Variants in MAGI2 observed in about 807,000 individuals in gnomAD.
MAGI2 encodes the protein membrane associated guanylate kinase, WW and PDZ domain containing 2, also known as membrane-associated guanylate kinase, WW and PDZ domain-containing protein 2.
A neutral mutation model predicts 133.3 loss-of-function variants in MAGI2; 35 were observed. The ratio of observed to expected loss-of-function variants is 0.26; its 90% CI spans 0.20 to 0.35. The LOEUF (loss-of-function observed/expected upper bound fraction) is 0.35, where lower values mean the gene tolerates loss of function less well. Ranked by LOEUF, MAGI2 falls within the 10% of genes least tolerant of loss-of-function variation. The probability of loss-of-function intolerance (pLI) is 1.00; values close to 1 mark genes in which losing one functional copy is unlikely to be tolerated. For synonymous variants in MAGI2, 729 were observed against 710.6 expected, an observed-to-expected ratio of 1.03 and a Z score of -0.41; for missense variants, 1,636 against 1,863.4, an observed-to-expected ratio of 0.88 and a Z score of 2.25.
chr7:78,369,986 T>C (rs1282359678), intron 6 of MAGI2, among the ~76,000 whole-genome samples: 1 of 152,094 alleles, frequency 6.6e-6, no homozygotes, highest in African/African-American at 2.4e-5. Flanking sequence ...ATATGAAGAA[T>C]GCTGTATTTT....
At chr7:79,137,944 C>T (rs781071424) in intron 1 of MAGI2, among the ~76,000 whole-genome samples, 14 of 152,192 alleles carry the variant, frequency 9.2e-5, no homozygotes, top group Admixed American at 1.3e-4. Context: ...TCCTAGTGGG[C>T]GTAATGTAAT....
intron 1 of MAGI2, among the ~76,000 whole-genome samples, chr7:79,039,856 T>A (rs1303310914): frequency 2.8e-5 from 4 of 142,408 alleles, no homozygotes; most frequent in Admixed American, 2.1e-4. Flanking sequence ...ACATATATAT[T>A]ATATATATAT....
intron 9 of MAGI2, among the ~76,000 whole-genome samples, chr7:78,337,910 A>ATCCATCCC (rs1269081102): frequency 2.0e-5 from 3 of 151,858 alleles, no homozygotes; most frequent in Admixed American, 6.6e-5. Flanking sequence ...CCATCCATCC[A>ATCCATCCC]TCCATCCATC....
intron 1 of MAGI2, among the ~76,000 whole-genome samples, chr7:79,081,763 C>G (rs1353805685): frequency 6.6e-6 from 1 of 152,004 alleles, no homozygotes; most frequent in Admixed American, 6.6e-5. Flanking sequence ...CATATCAGAA[C>G]TTTTTCCATA....
chr7:78,844,610 T>C (rs914335056), intron 2 of MAGI2, among the ~76,000 whole-genome samples: 1 of 151,776 alleles, frequency 6.6e-6, no homozygotes, highest in African/African-American at 2.4e-5. Context: ...CATAGAGACA[T>C]AAAATAGACG....
chr7:79,299,792 C>T (rs1837250016), intron 1 of MAGI2, among the ~76,000 whole-genome samples: 1 of 152,068 alleles, frequency 6.6e-6, no homozygotes, highest in Non-Finnish European at 1.5e-5. Context: ...GTGTTTGGAT[C>T]ATGGGAGCAG....
At position 79,417,623 on chromosome 7, in the gene MAGI2, A is replaced by G. The variant is rs546389234; in HGVS notation, c.301+35397T>C. Among the ~76,000 whole-genome samples the G allele has an allele frequency of 3.3e-5, 5 of 152,288 alleles. No homozygotes were observed. In the South Asian group the frequency reaches 1.0e-3, roughly 32 times the overall value. Reference sequence around the variant, plus strand: ...GATTATTCCCAAAAGATACAGTAACATATTTGCTGGCAATTATAACATGCA... The same window carrying G: ...GATTATTCCCAAAAGATACAGTAACGTATTTGCTGGCAATTATAACATGCA... On this transcript the variant is annotated intron_variant, in intron 1 of 21. Transcript: ENST00000354212.
intron 3 of MAGI2, among the ~76,000 whole-genome samples, chr7:78,532,609 G>A (rs1296757494): frequency 2.6e-5 from 4 of 152,098 alleles, no homozygotes. Context: ...TGACTTTTTT[G>A]GAGTTGACAT....
At chr7:78,223,134 T>C (rs1788999276) in intron 10 of MAGI2, among the ~76,000 whole-genome samples, 1 of 152,232 alleles carries the variant, frequency 6.6e-6, no homozygotes, top group South Asian at 2.1e-4. Context: ...AGTTTCTAGG[T>C]GTGCGGGTAT....
At chr7:78,517,898 G>T (rs962492544) in intron 4 of MAGI2, among the ~76,000 whole-genome samples, 1 of 151,814 alleles carries the variant, frequency 6.6e-6, no homozygotes, top group African/African-American at 2.4e-5. Flanking sequence ...GAACTTCCTG[G>T]AGAACTTATA....
chr7:78,199,877 C>T (rs983333425), intron 11 of MAGI2, among the ~76,000 whole-genome samples: 2 of 152,032 alleles, frequency 1.3e-5, no homozygotes, highest in African/African-American at 2.4e-5. Context: ...AAATGTGGTA[C>T]GTATAAGGAA....
At chr7:78,559,875 C>T (rs1173966358) in intron 3 of MAGI2, among the ~76,000 whole-genome samples, 1 of 152,054 alleles carries the variant, frequency 6.6e-6, no homozygotes, top group East Asian at 1.9e-4. Flanking sequence ...ATTTGCCACC[C>T]ACTGTCACAC....
intron 1 of MAGI2, among the ~76,000 whole-genome samples, chr7:79,102,382 G>A (rs969562237): frequency 3.9e-5 from 6 of 152,016 alleles, no homozygotes; most frequent in South Asian, 2.1e-4. Context: ...TAAATCAAAC[G>A]GTAAGCAAAT....
At chr7:78,395,264 T>G (rs1005341197) in intron 6 of MAGI2, among the ~76,000 whole-genome samples, 1 of 152,086 alleles carries the variant, frequency 6.6e-6, no homozygotes, top group African/African-American at 2.4e-5. Context: ...GGATAAGATA[T>G]AGTGAGAGAA....
intron 10 of MAGI2, among the ~76,000 whole-genome samples, chr7:78,211,232 C>G (rs1407575646): frequency 6.8e-6 from 1 of 146,476 alleles, no homozygotes; most frequent in Non-Finnish European, 1.5e-5. Flanking sequence ...TGGGTGAACC[C>G]CCCAGGATCT....
rs537504196 is a variant in MAGI2 at position 78,116,372 on chromosome 7, A to G, written c.3567+9322T>C. 2.1e-5 allele frequency among the ~76,000 whole-genome samples: 3 copies of G among 145,968 alleles called. No homozygotes were observed. In the East Asian group the frequency reaches 5.9e-4, roughly 29 times the overall value. Reference sequence around the variant, plus strand: ...ATCCAACTTAGGAAAAAAAAAAAAGAAGAACAACAGAGTAAACCCAGAAAG... The same window carrying G: ...ATCCAACTTAGGAAAAAAAAAAAAGGAGAACAACAGAGTAAACCCAGAAAG... On this transcript the variant is annotated intron_variant, in intron 20 of 21. Coordinates refer to ENST00000354212, the MANE Select transcript of MAGI2 (RefSeq NM_012301.4).
At chr7:78,268,544 A>T (rs1794241589) in intron 9 of MAGI2, among the ~76,000 whole-genome samples, 1 of 152,170 alleles carries the variant, frequency 6.6e-6, no homozygotes, top group Non-Finnish European at 1.5e-5. Flanking sequence ...TGTGGCTTAG[A>T]GGAGTCAAGT....
chr7:78,303,509 A>G (rs540445725), intron 9 of MAGI2, among the ~76,000 whole-genome samples: 59 of 150,454 alleles, frequency 3.9e-4, no homozygotes, highest in African/African-American at 1.3e-3. Flanking sequence ...CTCCCACCCC[A>G]CATTTTTATA....
chr7:78,230,515 T>G (rs1367073384), intron 10 of MAGI2, among the ~76,000 whole-genome samples: 5 of 152,224 alleles, frequency 3.3e-5, no homozygotes, highest in Admixed American at 1.3e-4. Flanking sequence ...GTCTTACACA[T>G]GTGAAACTAA....
Sources: gnomAD v4.1 joint callset for allele counts (sites outside exome capture counted in the v4.1 genomes callset) on GRCh38, gnomAD v4.1.1 for gene constraint, MANE v1.5 for transcripts, NCBI Gene and HGNC (gene_info 2026-07-23, HGNC 2026-07-21) for gene names.